Variants in TTC23L observed in about 807,000 individuals in gnomAD.
TTC23L encodes tetratricopeptide repeat protein 23-like.
A neutral mutation model predicts 48.1 loss-of-function variants in TTC23L; 42 were observed. That is an observed-to-expected ratio of 0.87 (90% CI 0.68 to 1.13). The LOEUF is 1.13. Among genes scored for constraint, TTC23L ranks in the 50% most tolerant of loss-of-function variants. The pLI is 0.00. For missense variants in TTC23L, 391 were observed against 421.0 expected (o/e 0.93, Z 0.62); for synonymous variants, 159 against 157.2 (o/e 1.01, Z -0.09).
the TTC23L span, among the ~76,000 whole-genome samples, chr5:34,919,157 T>C: frequency 6.7e-6 from 1 of 149,250 alleles, no homozygotes; most frequent in East Asian, 2.0e-4. Context: ...TTGCCTGCAG[T>C]CCCAGCTACT....
chr5:34,878,200 T>C (rs966274387), intron 8 of TTC23L, among the ~76,000 whole-genome samples: 5 of 152,174 alleles, frequency 3.3e-5, no homozygotes, highest in Admixed American at 1.3e-4. Context: ...AAAACTCTGA[T>C]GCAAGAAATC....
At chr5:34,915,558 A>G in the TTC23L span, 3 of 704,942 alleles carry the variant, frequency 4.3e-6, no homozygotes, top group African/African-American at 5.5e-5. Context: ...CACCGTCACC[A>G]CAGAGCTGAA....
the TTC23L span, chr5:34,915,919 C>T: frequency 6.6e-7 from 1 of 1,520,822 alleles, no homozygotes; most frequent in Admixed American, 2.3e-5. Flanking sequence ...TGTCCCCGGG[C>T]TACACCTGCG....
the TTC23L span, chr5:34,922,120 T>C: frequency 1.6e-6 from 1 of 641,810 alleles, no homozygotes; most frequent in East Asian, 2.9e-5. Flanking sequence ...CCTGGTTAGG[T>C]ATTTTTGAGA....
intron 9 of TTC23L, among the ~76,000 whole-genome samples, chr5:34,894,881 TTAATGA>T (rs1050250000): frequency 6.5e-5 from 8 of 122,426 alleles, no homozygotes; most frequent in African/African-American, 9.7e-5. Context: ...GATGAGAGTG[TTAATGA>T]TGATGATGAT....
the TTC23L span, among the ~76,000 whole-genome samples, chr5:34,910,880 C>G: frequency 6.6e-6 from 1 of 152,148 alleles, no homozygotes; most frequent in African/African-American, 2.4e-5. Context: ...GAGTCTAATC[C>G]TGAAAAGAGA....
At chr5:34,923,344 A>G in the TTC23L span, 15 of 818,024 alleles carry the variant, frequency 1.8e-5, no homozygotes, top group South Asian at 3.2e-5. Flanking sequence ...CAGTGGCACA[A>G]TCTTGGCTCA....
chr5:34,918,232 T>A, the TTC23L span: 1 of 521,520 alleles, frequency 1.9e-6, no homozygotes, highest in African/African-American at 2.0e-5. Flanking sequence ...GATCACTTAC[T>A]TGAGCCCAGG....
chr5:34,842,569 T>G (rs989611617), intron 2 of TTC23L, among the ~76,000 whole-genome samples: 1 of 152,146 alleles, frequency 6.6e-6, no homozygotes, highest in African/African-American at 2.4e-5. Context: ...CTGTATTTAT[T>G]AGGCAAAAGA....
At chr5:34,882,618 TACACACACAC>T (rs146120966) in intron 9 of TTC23L, among the ~76,000 whole-genome samples, 192 of 140,964 alleles carry the variant, frequency 1.4e-3, no homozygotes, top group African/African-American at 3.4e-3. Flanking sequence ...TCCCATGGAC[TACACACACAC>T]ACACACACAC....
chr5:34,888,504 G>T, intron 9 of TTC23L: 1 of 985,134 alleles, frequency 1.0e-6, no homozygotes, highest in Non-Finnish European at 1.2e-6. Flanking sequence ...AGTAGAAGTA[G>T]GGAGACAAAG....
intron 3 of TTC23L, among the ~76,000 whole-genome samples, chr5:34,848,695 G>T (rs1284137962): frequency 6.6e-6 from 1 of 152,086 alleles, no homozygotes; most frequent in Admixed American, 6.6e-5. Flanking sequence ...GGAGCAGCAC[G>T]TGCACAGCCC....
intron 4 of TTC23L, among the ~76,000 whole-genome samples, chr5:34,855,167 A>G (rs112594698): frequency 0.27 from 13,277 of 49,878 alleles, 1,036 homozygotes; most frequent in South Asian, 0.33. Context: ...AGAAGGGTAC[A>G]TTGGGCAGGC....
At chr5:34,864,642 G>A (rs1760920450) in intron 6 of TTC23L, 80 bp downstream of exon 6, 6 of 1,447,730 alleles carry the variant, frequency 4.1e-6, no homozygotes, top group Admixed American at 4.7e-5. Context: ...AAAATATTTA[G>A]AGCAAAAAAA....
chr5:34,911,385 G>A, the TTC23L span, among the ~76,000 whole-genome samples: 1 of 152,104 alleles, frequency 6.6e-6, no homozygotes, highest in African/African-American at 2.4e-5. Flanking sequence ...TAATCTTCCT[G>A]GGTCTTAAGT....
intron 8 of TTC23L, among the ~76,000 whole-genome samples, chr5:34,871,170 C>T (rs963865381): frequency 6.6e-6 from 1 of 152,056 alleles, no homozygotes; most frequent in Non-Finnish European, 1.5e-5. Context: ...TAGAAAATGA[C>T]AAATAATCTA....
At chr5:34,925,332 A>AG in the TTC23L span, 2 of 1,614,036 alleles carry the variant, frequency 1.2e-6, no homozygotes, top group South Asian at 2.2e-5. Context: ...CTTCTTCCAC[A>AG]TGATCCCACT....
intron 8 of TTC23L, among the ~76,000 whole-genome samples, chr5:34,876,059 G>T (rs1193436641): frequency 6.6e-6 from 1 of 152,126 alleles, no homozygotes; most frequent in African/African-American, 2.4e-5. Flanking sequence ...AATCTCAAGA[G>T]AAACTTTAAA....
chr5:34,925,609 G>C, the TTC23L span: 1 of 866,366 alleles, frequency 1.2e-6, no homozygotes, highest in Admixed American at 3.5e-5. Flanking sequence ...GCATTTACAA[G>C]AAAGAAAAAT....
Sources: allele counts gnomAD v4.1 joint callset (sites outside exome capture counted in the v4.1 genomes callset), GRCh38; gene constraint gnomAD v4.1.1; transcripts MANE v1.5; gene names NCBI Gene and HGNC (gene_info 2026-07-23, HGNC 2026-07-21).